MACROD2: variants seen among roughly 807,000 people sequenced by gnomAD.
MACROD2 encodes ADP-ribose glycohydrolase MACROD2.
MACROD2 carries 36 observed loss-of-function variants against 70.4 expected under a neutral mutation model. The observed-to-expected ratio is 0.51, with a 90% CI of 0.39 to 0.68. MACROD2 has a LOEUF of 0.68. MACROD2 is among the 30% of genes least tolerant of loss of function. The probability of loss-of-function intolerance (pLI) is 0.00; values close to 1 mark genes in which losing one functional copy is unlikely to be tolerated. For missense variants in MACROD2, 496 were observed against 538.4 expected (o/e 0.92, Z 0.78); for synonymous variants, 172 against 178.8 (o/e 0.96, Z 0.30).
chr20:15,212,882 T>G (rs945805135), intron 5 of MACROD2, among the ~76,000 whole-genome samples: 1 of 152,216 alleles, frequency 6.6e-6, no homozygotes, highest in Non-Finnish European at 1.5e-5. Flanking sequence ...TCTCCACCCC[T>G]ACTCCATTCC....
chr20:14,987,548 C>T (rs1348149289), intron 5 of MACROD2, among the ~76,000 whole-genome samples: 3 of 152,088 alleles, frequency 2.0e-5, no homozygotes, highest in African/African-American at 4.8e-5. Context: ...GTTACAAGGT[C>T]TGAAGTGATT....
chr20:15,907,840 CT>C (rs2065171301), intron 10 of MACROD2, among the ~76,000 whole-genome samples: 1 of 152,186 alleles, frequency 6.6e-6, no homozygotes, highest in Admixed American at 6.5e-5. Flanking sequence ...TCAGTTGCCT[CT>C]GTTTGTCTCT....
chr20:14,887,404 T>G (rs1419431948), intron 5 of MACROD2, among the ~76,000 whole-genome samples: 2 of 44,212 alleles, frequency 4.5e-5, no homozygotes, highest in South Asian at 2.3e-3. Context: ...TTTTTGTTTT[T>G]TTTTTTTTTT....
intron 2 of MACROD2, chr20:14,051,964 G>T (rs1382238691): frequency 1.9e-6 from 1 of 515,160 alleles, no homozygotes. Flanking sequence ...GGATGGCATG[G>T]GAAAGAGTGC....
At chr20:15,344,113 A>T (rs915297403) in intron 6 of MACROD2, among the ~76,000 whole-genome samples, 1 of 152,188 alleles carries the variant, frequency 6.6e-6, no homozygotes, top group Non-Finnish European at 1.5e-5. Flanking sequence ...GATAGTAAAA[A>T]TTCCCTATTT....
Position 15,816,025 on chromosome 20 carries a change from C to T in MACROD2, c.646-46720C>T, listed in dbSNP as rs367618877. Among the ~76,000 whole-genome samples, 20 of 151,922 alleles carry T rather than the reference C, an allele frequency of 1.3e-4. No homozygotes were observed. The South Asian group carries it at 3.3e-3, about 25-fold the overall frequency. On this transcript the variant is annotated intron_variant, in intron 8 of 17. Coordinates refer to ENST00000684519, the MANE Select transcript of MACROD2 (RefSeq NM_001351661.2). ...CAGTCCATCTCTCCGTCTCCCTCTG[C>T]GTGTGTGTGTTTGTGTGTGTGTATC...
At chr20:16,034,481 C>G (rs548847369) in intron 15 of MACROD2, among the ~76,000 whole-genome samples, 1 of 152,004 alleles carries the variant, frequency 6.6e-6, no homozygotes, top group South Asian at 2.1e-4. Context: ...AACATAAATT[C>G]GTGTCTGTGC....
intron 8 of MACROD2, among the ~76,000 whole-genome samples, chr20:15,610,991 CTTTTTTTTTTTTT>C (rs34495725): frequency 1.0e-4 from 6 of 60,120 alleles, no homozygotes; most frequent in African/African-American, 1.9e-4. Flanking sequence ...AGCCAAAAAT[CTTTTTTTTTTTTT>C]TTTTTTTTTT....
intron 3 of MACROD2, among the ~76,000 whole-genome samples, chr20:14,310,892 A>T (rs866422679): frequency 1.1e-4 from 16 of 152,302 alleles, no homozygotes; most frequent in African/African-American, 3.8e-4. Flanking sequence ...AAAAACTTAT[A>T]GACTAAAGGT....
intron 2 of MACROD2, among the ~76,000 whole-genome samples, chr20:14,019,467 G>A (rs1249755222): frequency 6.6e-6 from 1 of 152,088 alleles, no homozygotes; most frequent in Non-Finnish European, 1.5e-5. Context: ...TAGAGATGGG[G>A]TTTCACTGTG....
At chr20:14,255,358 A>G (rs2082045289) in intron 3 of MACROD2, among the ~76,000 whole-genome samples, 1 of 152,130 alleles carries the variant, frequency 6.6e-6, no homozygotes, top group Non-Finnish European at 1.5e-5. Flanking sequence ...GCAGCCATAA[A>G]AAAGGATGAG....
At chr20:15,828,348 A>G (rs2064019793) in intron 8 of MACROD2, among the ~76,000 whole-genome samples, 1 of 152,182 alleles carries the variant, frequency 6.6e-6, no homozygotes, top group Admixed American at 6.5e-5. Context: ...AGTGTTTACA[A>G]CATATATGAA....
intron 3 of MACROD2, among the ~76,000 whole-genome samples, chr20:14,473,665 A>G (rs141294053): frequency 1.8e-4 from 28 of 152,326 alleles, no homozygotes; most frequent in African/African-American, 5.8e-4. Flanking sequence ...ATAGATACCT[A>G]GAAGTAGGAT....
intron 5 of MACROD2, among the ~76,000 whole-genome samples, chr20:14,921,743 A>G: frequency 6.6e-6 from 1 of 152,228 alleles, no homozygotes; most frequent in Non-Finnish European, 1.5e-5. Flanking sequence ...GGTATATTGT[A>G]ACCAGAATGG....
At chr20:14,057,384 T>C (rs2053642781) in intron 2 of MACROD2, among the ~76,000 whole-genome samples, 1 of 152,314 alleles carries the variant, frequency 6.6e-6, no homozygotes, top group East Asian at 1.9e-4. Flanking sequence ...AGATGGCTTA[T>C]ATCCATACTA....
At chr20:14,031,982 T>G (rs142687629) in intron 2 of MACROD2, among the ~76,000 whole-genome samples, 2 of 152,144 alleles carry the variant, frequency 1.3e-5, no homozygotes, top group Non-Finnish European at 2.9e-5. Flanking sequence ...AGTCTGGCAT[T>G]AAGATCTGTG....
chr20:14,152,009 G>C (rs1227113842), intron 3 of MACROD2, among the ~76,000 whole-genome samples: 1 of 151,490 alleles, frequency 6.6e-6, no homozygotes, highest in Non-Finnish European at 1.5e-5. Context: ...TTTTAGTAGA[G>C]ACAGGGTTTC....
At chr20:14,929,197 C>T (rs957159436) in intron 5 of MACROD2, among the ~76,000 whole-genome samples, 23 of 152,122 alleles carry the variant, frequency 1.5e-4, no homozygotes, top group Non-Finnish European at 2.8e-4. Context: ...GGAGTTAGCA[C>T]AGACCCCACA....
chr20:15,259,826 G>T (rs2077232715), intron 6 of MACROD2, among the ~76,000 whole-genome samples: 3 of 151,568 alleles, frequency 2.0e-5, no homozygotes, highest in Non-Finnish European at 4.4e-5. Context: ...AATGAAATCT[G>T]GGAGCAACCA....
Sources: allele counts gnomAD v4.1 joint callset (sites outside exome capture counted in the v4.1 genomes callset), GRCh38; gene constraint gnomAD v4.1.1; transcripts MANE v1.5; gene names NCBI Gene and HGNC (gene_info 2026-07-23, HGNC 2026-07-21).